The following BMAL2 variants were observed in gnomAD, a reference collection of about 807,000 sequenced individuals.
BMAL2 encodes basic helix-loop-helix ARNT like 2.
At chr12:27,339,743 G>A in the BMAL2 span, among the ~76,000 whole-genome samples, 1 of 151,958 alleles carries the variant, frequency 6.6e-6, no homozygotes, top group African/African-American at 2.4e-5. Context: ...TCCTGCCTCA[G>A]CCTCCCCAGC....
the BMAL2 span, chr12:27,401,368 G>A: frequency 6.2e-7 from 1 of 1,606,376 alleles, no homozygotes; most frequent in Non-Finnish European, 8.5e-7. Flanking sequence ...AAGCAGGTAG[G>A]TATGCATTGA....
At chr12:27,420,288 C>G in the BMAL2 span, 1 of 1,412,384 alleles carries the variant, frequency 7.1e-7, no homozygotes, top group Non-Finnish European at 9.9e-7. Context: ...GGTTTTCTAG[C>G]CTTGCTTTGC....
the BMAL2 span, chr12:27,401,530 A>G: frequency 6.3e-7 from 1 of 1,590,354 alleles, no homozygotes; most frequent in Non-Finnish European, 8.6e-7. Context: ...TAAGTTCTAC[A>G]GAGTAAGGAG....
At chr12:27,348,460 A>G in the BMAL2 span, among the ~76,000 whole-genome samples, 1 of 152,200 alleles carries the variant, frequency 6.6e-6, no homozygotes, top group Non-Finnish European at 1.5e-5. Context: ...ACAGAAAAAA[A>G]GGTAACATTT....
the BMAL2 span, among the ~76,000 whole-genome samples, chr12:27,418,937 C>G: frequency 6.7e-6 from 1 of 149,274 alleles, no homozygotes; most frequent in Non-Finnish European, 1.5e-5. Context: ...CAATGTCGTA[C>G]TGCTGCACTC....
chr12:27,401,748 C>A, the BMAL2 span: 3 of 1,138,866 alleles, frequency 2.6e-6, no homozygotes, highest in African/African-American at 1.6e-5. Context: ...TCTCATCTTG[C>A]TAAACCATTA....
chr12:27,380,100 C>A, the BMAL2 span: 1 of 708,618 alleles, frequency 1.4e-6, no homozygotes, highest in Non-Finnish European at 2.3e-6. Context: ...GCGCTTTCCT[C>A]TTCCCTCACT....
the BMAL2 span, chr12:27,380,155 G>A: frequency 6.5e-4 from 853 of 1,306,200 alleles, 3 homozygotes; most frequent in African/African-American, 0.011. Context: ...GTGTGTGCCT[G>A]CTGGGCTCAG....
chr12:27,385,577 T>G, the BMAL2 span: 1 of 1,513,608 alleles, frequency 6.6e-7, no homozygotes, highest in East Asian at 2.3e-5. Flanking sequence ...AAAGATATAT[T>G]TGTCTAAGTT....
chr12:27,409,375 T>C, the BMAL2 span, among the ~76,000 whole-genome samples: 2 of 152,206 alleles, frequency 1.3e-5, no homozygotes, highest in Non-Finnish European at 2.9e-5. Flanking sequence ...CAAAACAGCA[T>C]GGTACTGGTA....
chr12:27,415,850 T>G, the BMAL2 span: 2 of 1,542,484 alleles, frequency 1.3e-6, no homozygotes, highest in East Asian at 4.5e-5. Flanking sequence ...AAAAATGTTT[T>G]ATGTATCACT....
At chr12:27,347,213 C>T in the BMAL2 span, among the ~76,000 whole-genome samples, 2 of 152,190 alleles carry the variant, frequency 1.3e-5, no homozygotes, top group East Asian at 3.8e-4. Context: ...AACCCAACAT[C>T]TTTGGCATTG....
chr12:27,353,738 T>C, the BMAL2 span, among the ~76,000 whole-genome samples: 139,651 of 152,184 alleles, frequency 0.92, 64,105 homozygotes, highest in East Asian at 1. Flanking sequence ...AACAAACAAC[T>C]GTATTAAAAA....
the BMAL2 span, among the ~76,000 whole-genome samples, chr12:27,397,857 A>G: frequency 6.6e-6 from 1 of 152,120 alleles, no homozygotes; most frequent in African/African-American, 2.4e-5. Context: ...GTGCAACAGT[A>G]CACCCAGAAT....
chr12:27,423,228 T>C, the BMAL2 span: 2 of 152,096 alleles, frequency 1.3e-5, no homozygotes, highest in South Asian at 4.1e-4. Context: ...TTTTTTCTAC[T>C]GCGAGTCAAT....
the BMAL2 span, among the ~76,000 whole-genome samples, chr12:27,370,697 C>T: frequency 6.6e-6 from 1 of 152,148 alleles, no homozygotes; most frequent in Non-Finnish European, 1.5e-5. Flanking sequence ...CCTCCGCCTC[C>T]TGGGTTCAAG....
chr12:27,365,332 T>A, the BMAL2 span, among the ~76,000 whole-genome samples: 2 of 152,116 alleles, frequency 1.3e-5, no homozygotes, highest in South Asian at 2.1e-4. Flanking sequence ...TGAAACTTAG[T>A]CATGATGGAT....
At chr12:27,418,211 G>A in the BMAL2 span, 3 of 1,569,714 alleles carry the variant, frequency 1.9e-6, no homozygotes, top group East Asian at 6.8e-5. Context: ...GTTTTCTTTG[G>A]GAACTGCTGA....
At chr12:27,419,073 A>T in the BMAL2 span, among the ~76,000 whole-genome samples, 1 of 152,198 alleles carries the variant, frequency 6.6e-6, no homozygotes, top group East Asian at 1.9e-4. Context: ...CAATTTAATT[A>T]AAACCAAGGT....
Sources: gnomAD v4.1 joint callset for allele counts (sites outside exome capture counted in the v4.1 genomes callset) on GRCh38, gnomAD v4.1.1 for gene constraint, MANE v1.5 for transcripts, NCBI Gene and HGNC (gene_info 2026-07-23, HGNC 2026-07-21) for gene names.